ZFPM2: variants seen among roughly 807,000 people sequenced by gnomAD.
ZFPM2 encodes zinc finger protein ZFPM2.
ZFPM2 carries 20 observed loss-of-function variants against 98.6 expected under a neutral mutation model. The observed-to-expected ratio is 0.20, with a 90% CI of 0.14 to 0.29. The LOEUF is 0.29. Ranked by LOEUF, ZFPM2 falls within the 10% of genes least tolerant of loss-of-function variation. The probability of loss-of-function intolerance (pLI) is 1.00; values close to 1 mark genes in which losing one functional copy is unlikely to be tolerated. For missense variants in ZFPM2, 1,310 were observed against 1,388.6 expected, an observed-to-expected ratio of 0.94 and a Z score of 0.90; for synonymous variants, 518 against 502.7, an observed-to-expected ratio of 1.03 and a Z score of -0.41.
intron 5 of ZFPM2, among the ~76,000 whole-genome samples, chr8:105,739,382 T>C (rs1041637633): frequency 1.3e-5 from 2 of 152,086 alleles, no homozygotes; most frequent in African/African-American, 4.8e-5. Context: ...ATGCAAACTG[T>C]ACACATCTGT....
rs532345482 is a variant in ZFPM2, at chr8:105,751,873, A to T, written c.533-36845A>T. Among the ~76,000 whole-genome samples the T allele has an allele frequency of 2.7e-3, 415 of 152,088 alleles. 1 individual carries two copies. Among genetic ancestry groups the T allele is most frequent in the African/African-American group, 9.6e-3 (400 of 41,518 alleles). On this transcript the variant is annotated intron_variant, in intron 5 of 7. Transcript: ENST00000407775. ...TGCATTCTTGCTGCATTTTTTATTT[A>T]AATGGTTTGCCTTAATGATCAGTGC...
rs368181677 is a variant in ZFPM2, at chr8:105,801,559, C to T, written c.1477C>T (p.Pro493Ser). The T allele has an allele frequency of 1.5e-5, 24 of 1,613,784 alleles. No individual in the cohort carries two copies. Among genetic ancestry groups the T allele is most frequent in the Non-Finnish European group, 1.5e-5 (18 of 1,179,872 alleles). The change falls in exon 8 of 8, where the codon CCT becomes TCT. Residue 493 changes from proline (P) to serine (S), a missense_variant. Physicochemically the swap from Pro to Ser is moderately conservative, Grantham distance 74 (BLOSUM62 -1). Transcript: ENST00000407775. ...PVQPNIGPSF[P>S]VGPFLSQFSF... ...TCAGCCTAATATTGGGCCTTCTTTC[C>T]CTGTGGGCCCTTTCCTATCTCAGTT...
At chr8:105,734,610 G>C (rs1314520847) in intron 5 of ZFPM2, among the ~76,000 whole-genome samples, 1 of 151,840 alleles carries the variant, frequency 6.6e-6, no homozygotes, top group Non-Finnish European at 1.5e-5. Context: ...ATGGATACAG[G>C]GTGGCTTATT....
intron 3 of ZFPM2, among the ~76,000 whole-genome samples, chr8:105,516,626 G>A (rs551690436): frequency 3.9e-5 from 6 of 152,168 alleles, no homozygotes; most frequent in East Asian, 1.9e-4. Flanking sequence ...CCATGTATTC[G>A]GATGTTTATA....
At chr8:105,535,307 A>G (rs1187602003) in intron 3 of ZFPM2, among the ~76,000 whole-genome samples, 1 of 152,178 alleles carries the variant, frequency 6.6e-6, no homozygotes, top group Non-Finnish European at 1.5e-5. Flanking sequence ...GCATGCTACT[A>G]GAAGCAGTCT....
intron 3 of ZFPM2, among the ~76,000 whole-genome samples, chr8:105,447,431 A>G (rs1383161198): frequency 6.6e-6 from 1 of 152,120 alleles, no homozygotes; most frequent in African/African-American, 2.4e-5. Context: ...ATGAAATGTC[A>G]GTGATCATTA....
At chr8:105,429,445 AATATAT>A (rs142230291) in intron 2 of ZFPM2, among the ~76,000 whole-genome samples, 10 of 138,398 alleles carry the variant, frequency 7.2e-5, no homozygotes, top group African/African-American at 3.1e-4. Context: ...TAGACAAGGA[AATATAT>A]ATATATATAT....
chr8:105,521,348 C>T (rs1256510815), intron 3 of ZFPM2, among the ~76,000 whole-genome samples: 4 of 140,428 alleles, frequency 2.8e-5, no homozygotes, highest in African/African-American at 1.0e-4. Context: ...AAAAAAACTG[C>T]TTTGAAGGAT....
chr8:105,389,989 C>T (rs1811076982), intron 1 of ZFPM2, among the ~76,000 whole-genome samples: 1 of 152,108 alleles, frequency 6.6e-6, no homozygotes, highest in South Asian at 2.1e-4. Flanking sequence ...TTAAGTACGT[C>T]CCTTATAATA....
At chr8:105,795,151 C>G (rs1173134551) in intron 6 of ZFPM2, among the ~76,000 whole-genome samples, 3 of 151,990 alleles carry the variant, frequency 2.0e-5, no homozygotes, top group African/African-American at 7.2e-5. Context: ...GATGGAAATG[C>G]AAAAATCACC....
At chr8:105,622,878 A>C (rs2130820042) in intron 4 of ZFPM2, among the ~76,000 whole-genome samples, 1 of 152,286 alleles carries the variant, frequency 6.6e-6, no homozygotes. Context: ...TCCTGATATT[A>C]ATATAGTAAA....
chr8:105,447,072 C>T (rs1352174948), intron 3 of ZFPM2, among the ~76,000 whole-genome samples: 1 of 151,810 alleles, frequency 6.6e-6, no homozygotes, highest in African/African-American at 2.4e-5. Flanking sequence ...TGACAGTTTC[C>T]AAATATATTG....
chr8:105,550,240 C>G (rs1814819587), intron 3 of ZFPM2, among the ~76,000 whole-genome samples: 1 of 152,170 alleles, frequency 6.6e-6, no homozygotes, highest in South Asian at 2.1e-4. Context: ...CCCTGTGGCC[C>G]CGTCCTTCAG....
intron 5 of ZFPM2, among the ~76,000 whole-genome samples, chr8:105,704,867 G>C (rs76873901): frequency 0.028 from 4,297 of 152,190 alleles, 171 homozygotes; most frequent in African/African-American, 0.094. Flanking sequence ...TCACTGGTTA[G>C]CACAGAATAC....
chr8:105,638,576 G>A (rs1163628598), intron 5 of ZFPM2, among the ~76,000 whole-genome samples: 1 of 152,070 alleles, frequency 6.6e-6, no homozygotes, highest in Admixed American at 6.6e-5. Flanking sequence ...ATCAGTATCT[G>A]TTTACAAATA....
chr8:105,353,406 A>C (rs1812685528), intron 1 of ZFPM2, among the ~76,000 whole-genome samples: 2 of 152,064 alleles, frequency 1.3e-5, no homozygotes, highest in Non-Finnish European at 2.9e-5. Context: ...ACTTACCATC[A>C]ACTGAAATAA....
At chr8:105,355,397 T>G (rs1238446045) in intron 1 of ZFPM2, among the ~76,000 whole-genome samples, 37 of 152,216 alleles carry the variant, frequency 2.4e-4, no homozygotes, top group Non-Finnish European at 1.2e-4. Context: ...TTTTGCTGGC[T>G]AATTAATGTG....
intron 3 of ZFPM2, among the ~76,000 whole-genome samples, chr8:105,511,940 G>A (rs1462923338): frequency 6.6e-6 from 1 of 152,194 alleles, no homozygotes; most frequent in African/African-American, 2.4e-5. Flanking sequence ...GAGGCCAGGA[G>A]TTCAAGACCT....
chr8:105,688,602 A>G (rs903050043), intron 5 of ZFPM2, among the ~76,000 whole-genome samples: 1 of 152,134 alleles, frequency 6.6e-6, no homozygotes, highest in Non-Finnish European at 1.5e-5. Context: ...TAAACTATTC[A>G]TAGATTTTTT....
Sources: allele counts gnomAD v4.1 joint callset (sites outside exome capture counted in the v4.1 genomes callset), GRCh38; gene constraint gnomAD v4.1.1; transcripts MANE v1.5; gene names NCBI Gene and HGNC (gene_info 2026-07-23, HGNC 2026-07-21).